THSD4: variants seen among roughly 807,000 people sequenced by gnomAD.
The protein encoded by THSD4 is thrombospondin type 1 domain containing 4.
In THSD4, 69 loss-of-function variants were observed where a neutral mutation model predicts 119.0. That is an observed-to-expected ratio of 0.58 (90% confidence interval 0.48 to 0.71). The LOEUF is 0.71. Among genes scored for constraint, THSD4 ranks in the 30% least tolerant of loss-of-function variants. The pLI is 0.00. For synonymous variants in THSD4, 524 were observed against 540.4 expected, an observed-to-expected ratio of 0.97 and a Z score of 0.42; for missense variants, 1,393 against 1,391.1, an observed-to-expected ratio of 1.00 and a Z score of -0.02.
chr15:71,422,211 G>T (rs2046817655), intron 7 of THSD4, among the ~76,000 whole-genome samples: 1 of 152,174 alleles, frequency 6.6e-6, no homozygotes, highest in African/African-American at 2.4e-5. Flanking sequence ...CTTGATGCTT[G>T]TGGATGTTCA....
intron 16 of THSD4, among the ~76,000 whole-genome samples, chr15:71,770,626 G>A (rs2053805253): frequency 6.6e-6 from 1 of 152,202 alleles, no homozygotes; most frequent in Non-Finnish European, 1.5e-5. Context: ...CTGCACTCCA[G>A]CCTGGGTGAC....
intron 7 of THSD4, among the ~76,000 whole-genome samples, chr15:71,574,501 A>C (rs1322178738): frequency 6.6e-6 from 1 of 152,208 alleles, no homozygotes; most frequent in Non-Finnish European, 1.5e-5. Context: ...AAAAGGATCC[A>C]TCCTCACCTG....
intron 3 of THSD4, among the ~76,000 whole-genome samples, chr15:71,199,704 CTGG>C (rs1567154800): frequency 0.011 from 247 of 22,598 alleles, no homozygotes; most frequent in Middle Eastern, 0.026. Context: ...TGTGTGGTGT[CTGG>C]GTGTGTGGTG....
chr15:71,254,803 G>A (rs929149198), intron 5 of THSD4, among the ~76,000 whole-genome samples: 4 of 152,194 alleles, frequency 2.6e-5, no homozygotes, highest in African/African-American at 9.7e-5. Flanking sequence ...AGAGCCCTAG[G>A]AGACAGGCTT....
chr15:71,670,036 C>T (rs536330120), intron 8 of THSD4, among the ~76,000 whole-genome samples: 3 of 152,324 alleles, frequency 2.0e-5, no homozygotes, highest in East Asian at 3.9e-4. Context: ...TTCTCTTCAG[C>T]TCCACTGCCA....
rs1157703856 is a variant in THSD4 at position 71,769,920 on chromosome 15, AATAAAT to A, written c.2770-1143_2770-1138del. On this transcript the variant is annotated intron_variant, in intron 16 of 17. Coordinates refer to ENST00000261862, the MANE Select transcript of THSD4 (RefSeq NM_024817.3). Reference sequence around the variant, plus strand: ...ACACCCAAGAATTATCAATAAAAAAAATAAATTTAAAAAAAAAAAAAAAAAAAAAGA... The same window carrying A: ...ACACCCAAGAATTATCAATAAAAAAATTAAAAAAAAAAAAAAAAAAAAAGA... 6.3e-4 allele frequency among the ~76,000 whole-genome samples: 43 copies of A among 68,350 alleles called. 1 individual carries two copies. The highest frequency in any genetic ancestry group is 3.0e-3 in the African/African-American group (39 of 12,810). The allele number at this position is 68,350 out of a possible 152,430, so 44.8% of individuals were successfully genotyped here. A position where few individuals can be genotyped will look rare whatever the true frequency, so the allele number is the denominator to read the frequency against.
At chr15:71,712,953 G>A (rs1263412214) in intron 8 of THSD4, among the ~76,000 whole-genome samples, 1 of 152,122 alleles carries the variant, frequency 6.6e-6, no homozygotes, top group Non-Finnish European at 1.5e-5. Context: ...TTTTCAAGGA[G>A]GTGAAACTAA....
intron 8 of THSD4, among the ~76,000 whole-genome samples, chr15:71,726,250 C>G (rs1397796749): frequency 1.3e-5 from 2 of 152,222 alleles, no homozygotes; most frequent in Non-Finnish European, 2.9e-5. Flanking sequence ...ACCAGCCAGC[C>G]CAGTGTGGAG....
In THSD4 at chr15:71,757,899, C is replaced by T; in HGVS notation, c.2416-3C>T. 6.2e-7 allele frequency: 1 copy of T among 1,613,178 alleles called. No homozygotes were observed. Among genetic ancestry groups the T allele is most frequent in the Non-Finnish European group, 8.5e-7 (1 of 1,179,926 alleles). Reference sequence around the variant, plus strand: ...ACTAATGTGCCCTTCCCCTGTCTCACAGTGCTCAGCGGAGTGTGGGGCCGG... The same window carrying T: ...ACTAATGTGCCCTTCCCCTGTCTCATAGTGCTCAGCGGAGTGTGGGGCCGG... On this transcript the variant is annotated splice_polypyrimidine_tract_variant and splice_region_variant and intron_variant, in intron 14 of 17. Transcript: ENST00000261862.
chr15:71,691,931 C>G (rs747535870), intron 8 of THSD4, among the ~76,000 whole-genome samples: 1 of 152,156 alleles, frequency 6.6e-6, no homozygotes, highest in East Asian at 1.9e-4. Flanking sequence ...AAGATCAAGC[C>G]GTCCAGGTGG....
chr15:71,604,185 T>G (rs62022825), intron 7 of THSD4, among the ~76,000 whole-genome samples: 57,128 of 152,028 alleles, frequency 0.38, 11,820 homozygotes, highest in Admixed American at 0.47. Flanking sequence ...TGAAGATTTA[T>G]TAAAAGTTTT....
At position 71,748,439 on chromosome 15, in the gene THSD4, G is replaced by C; in HGVS notation, c.2260G>C (p.Val754Leu). Residue 754 changes from valine (V) to leucine (L), a missense_variant, in exon 14 of 18, where the codon GTG becomes CTG. Coordinates refer to ENST00000261862, the MANE Select transcript of THSD4 (RefSeq NM_024817.3). ...GTTTCAGTGCTCGGTGCCCTGCGGC[G>C]TGGGACAGAGGACCCGTGATGTGAA... The part of the protein sequence containing the change: ...DWTSCSVPCG[V>L]GQRTRDVKCV... 1.9e-6 allele frequency: 3 copies of C among 1,614,180 alleles called. No homozygotes were observed. The highest frequency in any genetic ancestry group is 2.5e-6 in the Non-Finnish European group (3 of 1,180,028).
intron 6 of THSD4, among the ~76,000 whole-genome samples, chr15:71,263,618 T>C (rs2044429742): frequency 6.6e-6 from 1 of 151,976 alleles, no homozygotes; most frequent in African/African-American, 2.4e-5. Context: ...CAACAGTGTA[T>C]AAGTGTTCCT....
At chr15:71,263,833 G>A (rs2044432325) in intron 6 of THSD4, among the ~76,000 whole-genome samples, 1 of 152,234 alleles carries the variant, frequency 6.6e-6, no homozygotes, top group African/African-American at 2.4e-5. Flanking sequence ...GAGGAGAAAT[G>A]GAATATCTGT....
chr15:71,103,947 GA>G (rs1333302651), intron 1 of THSD4, among the ~76,000 whole-genome samples: 2 of 152,152 alleles, frequency 1.3e-5, no homozygotes, highest in Non-Finnish European at 2.9e-5. Context: ...TACTGGGAGG[GA>G]AAAAAATTCA....
chr15:71,238,257 T>C (rs1036238288), intron 4 of THSD4, among the ~76,000 whole-genome samples: 3 of 151,816 alleles, frequency 2.0e-5, no homozygotes, highest in Non-Finnish European at 4.4e-5. Context: ...TAAGTTCAAT[T>C]TGACTTTACA....
At chr15:71,565,045 A>C (rs2049208415) in intron 7 of THSD4, among the ~76,000 whole-genome samples, 1 of 152,188 alleles carries the variant, frequency 6.6e-6, no homozygotes, top group Non-Finnish European at 1.5e-5. Flanking sequence ...AAAAAACAAC[A>C]ACCAAAAGAA....
upstream of THSD4, chr15:71,111,592 G>A (rs894036215): frequency 3.2e-6 from 2 of 619,898 alleles, no homozygotes; most frequent in Middle Eastern, 4.3e-4. Flanking sequence ...CTGGGCACAG[G>A]CTTGCCTTGA....
At chr15:71,637,134 G>T (rs1443165923) in intron 7 of THSD4, among the ~76,000 whole-genome samples, 1 of 152,066 alleles carries the variant, frequency 6.6e-6, no homozygotes, top group African/African-American at 2.4e-5. Context: ...TGATCCACCC[G>T]CCTCAGTCTG....
Sources: allele counts gnomAD v4.1 joint callset (sites outside exome capture counted in the v4.1 genomes callset), GRCh38; gene constraint gnomAD v4.1.1; transcripts MANE v1.5; gene names NCBI Gene and HGNC (gene_info 2026-07-23, HGNC 2026-07-21).